NAALADL2: variants seen among roughly 807,000 people sequenced by gnomAD.
The protein encoded by NAALADL2 is inactive N-acetylated-alpha-linked acidic dipeptidase-like protein 2.
NAALADL2 carries 76 observed loss-of-function variants against 87.2 expected under a neutral mutation model. The ratio of observed to expected loss-of-function variants is 0.87; its 90% CI spans 0.72 to 1.05. The LOEUF (loss-of-function observed/expected upper bound fraction) is 1.05. NAALADL2 is among the 50% of genes least tolerant of loss of function. The probability of loss-of-function intolerance (pLI) is 0.00; values close to 1 mark genes in which losing one functional copy is unlikely to be tolerated. For synonymous variants in NAALADL2, 354 were observed against 331.0 expected, an observed-to-expected ratio of 1.07 and a Z score of -0.75; for missense variants, 1,089 against 945.8, an observed-to-expected ratio of 1.15 and a Z score of -1.99.
intron 4 of NAALADL2, among the ~76,000 whole-genome samples, chr3:175,303,016 C>G (rs2110235725): frequency 6.6e-6 from 1 of 152,158 alleles, no homozygotes; most frequent in South Asian, 2.1e-4. Context: ...AAGACATTGA[C>G]AGGTACAATG....
chr3:175,191,637 G>A (rs1738223773), intron 2 of NAALADL2, among the ~76,000 whole-genome samples: 1 of 152,192 alleles, frequency 6.6e-6, no homozygotes, highest in Admixed American at 6.5e-5. Context: ...AAGGATATTA[G>A]GAGAGGCTTT....
intron 1 of NAALADL2, among the ~76,000 whole-genome samples, chr3:174,936,526 C>T (rs532745683): frequency 3.3e-5 from 5 of 152,074 alleles, no homozygotes; most frequent in South Asian, 2.1e-4. Context: ...TACTAAAGGT[C>T]GCTTGATAAA....
At position 175,211,412 on chromosome 3, in the gene NAALADL2, T is replaced by C. The variant is rs540368647; in HGVS notation, c.546-22519T>C. On this transcript the variant is annotated intron_variant, in intron 2 of 13. Transcript: ENST00000454872. ...GAAGTAGCTCAATGATTATATTTGATCAAAGGCTGACACTTCCTATTGAAA... is the reference window on the plus strand; with the variant it reads ...GAAGTAGCTCAATGATTATATTTGACCAAAGGCTGACACTTCCTATTGAAA... Among the ~76,000 whole-genome samples the C allele has an allele frequency of 1.4e-3, 208 of 152,084 alleles. 1 individual carries two copies. The highest frequency in any genetic ancestry group is 4.9e-3 in the African/African-American group (202 of 41,558).
intron 2 of NAALADL2, among the ~76,000 whole-genome samples, chr3:174,712,158 A>G (rs1207667843): frequency 6.6e-6 from 1 of 152,102 alleles, no homozygotes; most frequent in Non-Finnish European, 1.5e-5. Flanking sequence ...TAAACTCATT[A>G]TTAGCTAGAC....
chr3:174,839,232 A>G (rs1470490144), intron 3 of NAALADL2, among the ~76,000 whole-genome samples: 1 of 152,210 alleles, frequency 6.6e-6, no homozygotes, highest in East Asian at 1.9e-4. Context: ...AAACAAAAAC[A>G]TAAAGTGGGC....
intron 5 of NAALADL2, among the ~76,000 whole-genome samples, chr3:175,367,734 A>G (rs747154589): frequency 2.0e-5 from 3 of 152,182 alleles, no homozygotes; most frequent in Non-Finnish European, 4.4e-5. Flanking sequence ...GAAGTTGCTT[A>G]TCAGCTTAAG....
At chr3:174,797,599 A>G (rs1718297923) in intron 3 of NAALADL2, among the ~76,000 whole-genome samples, 1 of 151,980 alleles carries the variant, frequency 6.6e-6, no homozygotes, top group Non-Finnish European at 1.5e-5. Flanking sequence ...ATAACCTGGT[A>G]GTATAGTTTG....
intron 5 of NAALADL2, among the ~76,000 whole-genome samples, chr3:175,345,888 G>A (rs1219783318): frequency 6.6e-6 from 1 of 152,056 alleles, no homozygotes; most frequent in Non-Finnish European, 1.5e-5. Context: ...TCCTGCAGGG[G>A]CAATAAAAAG....
At chr3:175,751,131 AT>A (rs1319183577) in intron 12 of NAALADL2, among the ~76,000 whole-genome samples, 7 of 152,134 alleles carry the variant, frequency 4.6e-5, no homozygotes, top group Admixed American at 4.6e-4. Flanking sequence ...TACTATAAAA[AT>A]TTATTAATGG....
chr3:175,232,247 G>GAAGAAAGAAGA (rs1365738784), intron 2 of NAALADL2, among the ~76,000 whole-genome samples: 5 of 118,644 alleles, frequency 4.2e-5, no homozygotes, highest in South Asian at 2.9e-4. Flanking sequence ...GAAGAAGAAA[G>GAAGAAAGAAGA]AACAAGAAGA....
chr3:174,668,927 AT>A (rs747310085), intron 2 of NAALADL2, among the ~76,000 whole-genome samples: 35 of 152,194 alleles, frequency 2.3e-4, no homozygotes, highest in Non-Finnish European at 4.8e-4. Flanking sequence ...TCCTTTGGGT[AT>A]ATACCCAGTA....
At chr3:174,985,020 C>T (rs1296034109) in intron 1 of NAALADL2, among the ~76,000 whole-genome samples, 1 of 152,144 alleles carries the variant, frequency 6.6e-6, no homozygotes, top group Admixed American at 6.5e-5. Context: ...TTCCTAAGGT[C>T]ATGATGAAAG....
intron 2 of NAALADL2, among the ~76,000 whole-genome samples, chr3:174,713,495 T>C (rs576594821): frequency 2.8e-3 from 429 of 152,308 alleles, no homozygotes; most frequent in Middle Eastern, 0.017. Flanking sequence ...TGACTGCCAT[T>C]CTAACTGGTG....
intron 1 of NAALADL2, among the ~76,000 whole-genome samples, chr3:174,524,070 A>G (rs916579278): frequency 4.6e-5 from 7 of 151,822 alleles, no homozygotes; most frequent in Non-Finnish European, 8.8e-5. Context: ...ATTAACAACA[A>G]CTCCTTGAAA....
chr3:174,844,835 GTTTTT>G (rs781333758), intron 3 of NAALADL2, among the ~76,000 whole-genome samples: 1 of 35,458 alleles, frequency 2.8e-5, no homozygotes, highest in Admixed American at 3.2e-4. Flanking sequence ...AGTTCTAATG[GTTTTT>G]TTTTTTTTTT....
At chr3:175,291,078 T>C (rs1755586531) in intron 4 of NAALADL2, among the ~76,000 whole-genome samples, 1 of 152,206 alleles carries the variant, frequency 6.6e-6, no homozygotes, top group African/African-American at 2.4e-5. Flanking sequence ...ATTTCTTCTC[T>C]GCTGCTTCCC....
At chr3:175,381,429 G>T (rs937607940) in intron 5 of NAALADL2, among the ~76,000 whole-genome samples, 5 of 151,622 alleles carry the variant, frequency 3.3e-5, no homozygotes, top group Non-Finnish European at 7.4e-5. Flanking sequence ...AATTCCTGAA[G>T]TATGTGTATT....
At chr3:175,212,512 T>G (rs1741905932) in intron 2 of NAALADL2, among the ~76,000 whole-genome samples, 2 of 151,980 alleles carry the variant, frequency 1.3e-5, no homozygotes, top group South Asian at 4.1e-4. Context: ...ATGACACACA[T>G]CAGGAATCAG....
intron 4 of NAALADL2, among the ~76,000 whole-genome samples, chr3:175,307,964 A>G (rs548505199): frequency 1.8e-4 from 28 of 152,324 alleles, no homozygotes; most frequent in Admixed American, 5.2e-4. Context: ...AACAAAGTAA[A>G]GTAATTATTT....
Sources: allele counts gnomAD v4.1 joint callset (sites outside exome capture counted in the v4.1 genomes callset), GRCh38; gene constraint gnomAD v4.1.1; transcripts MANE v1.5; gene names NCBI Gene and HGNC (gene_info 2026-07-23, HGNC 2026-07-21).